Variants in RYR2 observed in about 807,000 individuals in gnomAD.
RYR2 encodes ryanodine receptor 2, also known as cardiac muscle ryanodine receptor-calcium release channel.
RYR2 carries 227 observed loss-of-function variants against 601.1 expected under a neutral mutation model. That is an observed-to-expected ratio of 0.38 (90% CI 0.34 to 0.42). The LOEUF (loss-of-function observed/expected upper bound fraction) is 0.42, where lower values mean the gene tolerates loss of function less well. RYR2 is among the 10% of genes least tolerant of loss of function. RYR2 has a pLI of 1.00. For synonymous variants in RYR2, 2,223 were observed against 2,175.1 expected, an observed-to-expected ratio of 1.02 and a Z score of -0.61; for missense variants, 4,646 against 6,156.5, an observed-to-expected ratio of 0.75 and a Z score of 8.21.
Position 237,298,384 on chromosome 1 carries a change from A to G in RYR2, c.168+27768A>G, listed in dbSNP as rs374916291. On this transcript the variant is annotated intron_variant, in intron 2 of 104. Coordinates refer to ENST00000366574, the MANE Select transcript of RYR2 (RefSeq NM_001035.3). Reference sequence around the variant, plus strand: ...TATCCAAAATTATTTATCAGCATATAGATTTTTAAAATCAGATTATCAATG... The same window carrying G: ...TATCCAAAATTATTTATCAGCATATGGATTTTTAAAATCAGATTATCAATG... Among the ~76,000 whole-genome samples the G allele has an allele frequency of 2.0e-5, 3 of 152,344 alleles. No individual in the cohort carries two copies. The East Asian group carries it at 5.8e-4, about 29-fold the overall frequency.
At chr1:237,682,542 G>A (rs1017034348) in intron 62 of RYR2, among the ~76,000 whole-genome samples, 2 of 152,022 alleles carry the variant, frequency 1.3e-5, no homozygotes, top group Non-Finnish European at 2.9e-5. Flanking sequence ...TACAGTATTC[G>A]GTACAGTAAC....
intron 1 of RYR2, among the ~76,000 whole-genome samples, chr1:237,155,670 G>A (rs1329953104): frequency 6.6e-6 from 1 of 152,144 alleles, no homozygotes; most frequent in Non-Finnish European, 1.5e-5. Context: ...AGTAGTTTAT[G>A]TAGGACCAGC....
At chr1:237,082,104 A>T (rs902960463) in intron 1 of RYR2, among the ~76,000 whole-genome samples, 2 of 152,160 alleles carry the variant, frequency 1.3e-5, no homozygotes, top group Admixed American at 1.3e-4. Flanking sequence ...GTGCTGATAA[A>T]CATTAACTGA....
At chr1:237,214,629 A>C (rs139426938) in intron 1 of RYR2, among the ~76,000 whole-genome samples, 3 of 152,290 alleles carry the variant, frequency 2.0e-5, no homozygotes, top group Non-Finnish European at 4.4e-5. Context: ...TGGGGATCAC[A>C]TTTCAACATG....
chr1:237,734,321 T>C (rs1189641084), intron 79 of RYR2, among the ~76,000 whole-genome samples: 1 of 152,130 alleles, frequency 6.6e-6, no homozygotes, highest in Non-Finnish European at 1.5e-5. Flanking sequence ...AGTGGGGGGC[T>C]GTCAAACACT....
intron 79 of RYR2, 53 bp from the exon 80 acceptor site, chr1:237,742,243 T>C: frequency 4.0e-6 from 5 of 1,240,642 alleles, no homozygotes; most frequent in Non-Finnish European, 4.5e-6. Context: ...TTTTGCACTT[T>C]CTAAAATCTC....
At chr1:237,116,497 A>G (rs936339947) in intron 1 of RYR2, among the ~76,000 whole-genome samples, 3 of 152,152 alleles carry the variant, frequency 2.0e-5, no homozygotes, top group Non-Finnish European at 2.9e-5. Flanking sequence ...AATTATATCT[A>G]TTTGCTTACA....
chr1:237,548,549 C>T lies in RYR2; in HGVS notation c.3025C>T (p.Arg1009Trp), dbSNP rs368040638. ...AGAAAATGCACATAATGTGTGGGCGCGGGATCGAATCCGGCAGGGCTGGAC... is the reference window on the plus strand; with the variant it reads ...AGAAAATGCACATAATGTGTGGGCGTGGGATCGAATCCGGCAGGGCTGGAC... ...LAENAHNVWARDRIRQGWTYG... is the reference protein window; with the variant it reads ...LAENAHNVWAWDRIRQGWTYG... The change falls in exon 26 of 105, where the codon CGG becomes TGG. Residue 1009 changes from arginine to tryptophan, a missense_variant. Transcript: ENST00000366574. 4.7e-5 allele frequency: 76 copies of T among 1,613,880 alleles called. 1 individual carries two copies. The highest frequency in any genetic ancestry group is 3.3e-4 in the Middle Eastern group (2 of 6,062).
intron 10 of RYR2, among the ~76,000 whole-genome samples, chr1:237,410,880 A>G (rs1704382688): frequency 6.6e-6 from 1 of 152,182 alleles, no homozygotes; most frequent in African/African-American, 2.4e-5. Context: ...CTTTTAATCT[A>G]TATAATGTAT....
chr1:237,145,259 G>A (rs1397198382), intron 1 of RYR2, among the ~76,000 whole-genome samples: 1 of 152,022 alleles, frequency 6.6e-6, no homozygotes, highest in Non-Finnish European at 1.5e-5. Context: ...GTGCACTGTG[G>A]GTAGACTCTT....
chr1:237,784,974 T>A lies in RYR2; in HGVS notation c.13260+2T>A, dbSNP rs1371416779. Reference sequence around the variant, plus strand: ...CCTGAGGTGCAGGAAAAATTTCAGGTAATTTATCTCTAAGTCACAGCAGCA... The same window carrying A: ...CCTGAGGTGCAGGAAAAATTTCAGGAAATTTATCTCTAAGTCACAGCAGCA... On this transcript the variant is annotated splice_donor_variant, in intron 90 of 104. Coordinates refer to ENST00000366574, the MANE Select transcript of RYR2 (RefSeq NM_001035.3). LOFTEE classifies it high-confidence loss of function. This position sits in a 1 kb window ranked among gnomAD's most constrained non-coding sequence, Gnocchi z 7.1. The A allele has an allele frequency of 6.4e-7, 1 of 1,567,306 alleles. No individual in the cohort carries two copies. Among genetic ancestry groups the A allele is most frequent in the Non-Finnish European group, 8.7e-7 (1 of 1,154,442 alleles).
intron 10 of RYR2, among the ~76,000 whole-genome samples, chr1:237,406,851 C>T (rs558775998): frequency 4.5e-4 from 68 of 152,188 alleles, no homozygotes; most frequent in African/African-American, 1.5e-3. Flanking sequence ...TAAAGTAATA[C>T]GGACACATTA....
At chr1:237,679,116 G>T (rs1029542015) in intron 61 of RYR2, among the ~76,000 whole-genome samples, 1 of 152,084 alleles carries the variant, frequency 6.6e-6, no homozygotes, top group Non-Finnish European at 1.5e-5. Flanking sequence ...CATAGTTAGC[G>T]ATTCATGAAT....
chr1:237,214,398 G>C (rs1682939287), intron 1 of RYR2, among the ~76,000 whole-genome samples: 1 of 152,148 alleles, frequency 6.6e-6, no homozygotes, highest in South Asian at 2.1e-4. Flanking sequence ...TTTGTCTCTG[G>C]TCAGGGACTC....
At chr1:237,506,339 C>T (rs1665238967) in intron 22 of RYR2, among the ~76,000 whole-genome samples, 1 of 152,086 alleles carries the variant, frequency 6.6e-6, no homozygotes, top group Non-Finnish European at 1.5e-5. Flanking sequence ...AGATCGAAAC[C>T]ATCCTGGCTA....
chr1:237,742,457 G>A (rs1691700624), intron 80 of RYR2, 108 bp downstream of exon 80: 6 of 851,536 alleles, frequency 7.0e-6, no homozygotes, highest in Non-Finnish European at 1.1e-5. Flanking sequence ...GCAGCTTATT[G>A]TGTCAAGGAA....
At position 237,284,380 on chromosome 1, in the gene RYR2, C is replaced by CA. The variant is rs112378780; in HGVS notation, c.168+13779dup. Among the ~76,000 whole-genome samples, 626 of 127,110 alleles carry CA rather than the reference C, an allele frequency of 4.9e-3. 5 individuals carry two copies. The highest frequency in any genetic ancestry group is 6.5e-3 in the Non-Finnish European group (387 of 59,116). 83.4% of individuals were successfully genotyped at this position (127,110 alleles called of 152,430 possible). ...GGGCGACAACAGTGAGACTCCATCT[C>CA]AAAAAAAAAAAAAAATAGTGTCCAG... is the stretch of plus-strand genomic sequence containing the variant. On this transcript the variant is annotated intron_variant, in intron 2 of 104. Transcript: ENST00000366574.
At chr1:237,119,732 C>T (rs751023591) in intron 1 of RYR2, among the ~76,000 whole-genome samples, 2 of 152,206 alleles carry the variant, frequency 1.3e-5, no homozygotes, top group Non-Finnish European at 2.9e-5. Context: ...GAGGACCTGC[C>T]TTCCATTGCC....
At chr1:237,369,394 C>CA in intron 5 of RYR2, 140 bp from the exon 6 acceptor site, 2 of 739,620 alleles carry the variant, frequency 2.7e-6, no homozygotes, top group South Asian at 3.0e-5. Flanking sequence ...TTCAACAGCA[C>CA]TTTGCTTGTC....
Sources: allele counts gnomAD v4.1 joint callset (sites outside exome capture counted in the v4.1 genomes callset), GRCh38; gene constraint gnomAD v4.1.1; non-coding constraint Gnocchi (gnomAD v3.1); transcripts MANE v1.5; gene names NCBI Gene and HGNC (gene_info 2026-07-23, HGNC 2026-07-21).